Variants in SIN3B observed in about 807,000 individuals in gnomAD.
The protein encoded by SIN3B is SIN3 transcription regulator family member B, also known as paired amphipathic helix protein Sin3b.
Under a neutral mutation model 120.2 loss-of-function variants are expected in SIN3B, and 19 were observed. The observed-to-expected ratio is 0.16, with a 90% CI of 0.11 to 0.23. SIN3B has a LOEUF of 0.23. SIN3B is among the 10% of genes least tolerant of loss of function. The pLI is 1.00. For missense variants in SIN3B, 1,073 were observed against 1,573.0 expected, an observed-to-expected ratio of 0.68 and a Z score of 5.38; for synonymous variants, 654 against 653.2, an observed-to-expected ratio of 1.00 and a Z score of -0.02.
chr19:16,838,970 C>CT (rs34648986), intron 3 of SIN3B, among the ~76,000 whole-genome samples: 49,747 of 86,518 alleles, frequency 0.57, 15,349 homozygotes, highest in Non-Finnish European at 0.62. Context: ...CCGCGCCTGG[C>CT]TTTTTTTTTT....
At chr19:16,858,946 C>T (rs1283959439) in intron 8 of SIN3B, among the ~76,000 whole-genome samples, 2 of 151,380 alleles carry the variant, frequency 1.3e-5, no homozygotes, top group African/African-American at 4.8e-5. Context: ...CAAGCTGTCT[C>T]AAAAAAACGA....
chr19:16,854,964 CGTCATTCT>C (rs1377157608), intron 8 of SIN3B: 2 of 152,190 alleles, frequency 1.3e-5, no homozygotes, highest in African/African-American at 4.8e-5. Flanking sequence ...GCCGTAGGAA[CGTCATTCT>C]TGTTTATGTG....
intron 13 of SIN3B, among the ~76,000 whole-genome samples, chr19:16,870,697 C>T (rs978321209): frequency 6.9e-6 from 1 of 145,518 alleles, no homozygotes; most frequent in Non-Finnish European, 1.5e-5. Flanking sequence ...ATTACAGGCA[C>T]CCACCACCAT....
intron 4 of SIN3B, among the ~76,000 whole-genome samples, chr19:16,846,643 A>G (rs757587637): frequency 4.3e-4 from 66 of 151,778 alleles, no homozygotes; most frequent in Non-Finnish European, 7.1e-4. Flanking sequence ...TACACTCCCC[A>G]TTTCCCTTGG....
chr19:16,844,266 T>G (rs1197303135), intron 4 of SIN3B: 1 of 152,284 alleles, frequency 6.6e-6, no homozygotes, highest in Non-Finnish European at 1.5e-5. Flanking sequence ...GGTTCAGATA[T>G]TTCAGGGATA....
At chr19:16,874,812 CTGGTCTGGTTT>C (rs1282761363) in intron 14 of SIN3B, among the ~76,000 whole-genome samples, 1 of 144,422 alleles carries the variant, frequency 6.9e-6, no homozygotes, top group African/African-American at 2.6e-5. Flanking sequence ...CTGATCTGAT[CTGGTCTGGTTT>C]TGGTCTGGTC....
intron 8 of SIN3B, among the ~76,000 whole-genome samples, chr19:16,860,845 G>T (rs143139061): frequency 6.6e-6 from 1 of 151,910 alleles, no homozygotes; most frequent in Non-Finnish European, 1.5e-5. Flanking sequence ...CGCCCGCCTC[G>T]GCCTCCCAAA....
chr19:16,854,269 G>A lies in SIN3B; in HGVS notation c.1058+8G>A. 6.3e-7 allele frequency: 1 copy of A among 1,595,544 alleles called. No individual in the cohort carries two copies. The highest frequency in any genetic ancestry group is 8.6e-7 in the Non-Finnish European group (1 of 1,167,124). ...CGTCAGCCCATTTCTGGGGTGAGCA[G>A]CTGACTTCCCAGGGCTCCCTAGGGG... is the stretch of plus-strand genomic sequence containing the variant. On this transcript the variant is annotated splice_region_variant and intron_variant, in intron 8 of 18. Coordinates refer to ENST00000248054, the MANE Select transcript of SIN3B (RefSeq NM_001297595.2).
Position 16,876,317 on chromosome 19 carries a change from C to A in SIN3B, c.2766+89C>A. Reference sequence around the variant, plus strand: ...CAGTCCTGGGTGGACCCTGGTTCAGCGGCTGGGACACCGGCCCTGCTGCAG... The same window carrying A: ...CAGTCCTGGGTGGACCCTGGTTCAGAGGCTGGGACACCGGCCCTGCTGCAG... On this transcript the variant is annotated intron_variant, in intron 15 of 18. Coordinates refer to ENST00000248054, the MANE Select transcript of SIN3B (RefSeq NM_001297595.2). This position sits in a 1 kb window ranked among gnomAD's most constrained non-coding sequence, Gnocchi z 7.1. The A allele has an allele frequency of 6.8e-7, 1 of 1,472,382 alleles. No individual in the cohort carries two copies. The highest frequency in any genetic ancestry group is 9.2e-7 in the Non-Finnish European group (1 of 1,086,718). The allele number at this position is 1,472,382 out of a possible 1,614,324, so 91.2% of individuals were successfully genotyped here.
At chr19:16,853,629 A>T (rs1971573150) in intron 7 of SIN3B, among the ~76,000 whole-genome samples, 1 of 149,864 alleles carries the variant, frequency 6.7e-6, no homozygotes, top group South Asian at 2.1e-4. Flanking sequence ...ATTGCTGCAC[A>T]GATGGCATGC....
chr19:16,877,906 C>T (rs112406726), intron 17 of SIN3B, among the ~76,000 whole-genome samples: 183 of 152,282 alleles, frequency 1.2e-3, no homozygotes, highest in Middle Eastern at 6.8e-3. Context: ...TGGAGGGAGA[C>T]GCTGCCAGAG....
intron 14 of SIN3B, chr19:16,875,839 G>A: frequency 1.7e-6 from 1 of 597,720 alleles, no homozygotes; most frequent in Non-Finnish European, 2.9e-6. Context: ...GGTTTGGTCT[G>A]GTCTGGTCTG....
At chr19:16,851,573 G>C (rs775240971) in intron 6 of SIN3B, 39 bp downstream of exon 6, 1 of 1,535,892 alleles carries the variant, frequency 6.5e-7, no homozygotes, top group Admixed American at 2.0e-5. Flanking sequence ...TGCACGCGGG[G>C]CCCCCAGCAA....
chr19:16,857,911 C>T lies in SIN3B; in HGVS notation c.1058+3650C>T, dbSNP rs190938214. On this transcript the variant is annotated intron_variant, in intron 8 of 18. Transcript: ENST00000248054. ...TCTTTTTTTGAGACGGAGTCTAACT[C>T]TGTCACCCAGGCTGGAGTGCAATGG... 2.6e-5 allele frequency among the ~76,000 whole-genome samples: 4 copies of T among 152,206 alleles called. No homozygotes were observed. The East Asian group carries it at 5.8e-4, about 22-fold the overall frequency.
At chr19:16,840,435 C>T (rs1020935991) in intron 3 of SIN3B, among the ~76,000 whole-genome samples, 4 of 152,196 alleles carry the variant, frequency 2.6e-5, no homozygotes, top group African/African-American at 9.7e-5. Flanking sequence ...TTGACCTTGG[C>T]CTCCTGGCCT....
Position 16,879,739 on chromosome 19 carries a change from G to T in SIN3B, c.*1012G>T, listed in dbSNP as rs1271031811. On this transcript the variant is annotated 3_prime_UTR_variant, in exon 19 of 19. Coordinates refer to ENST00000248054, the MANE Select transcript of SIN3B (RefSeq NM_001297595.2). ...GGGATCATTGTTGTCCTTTTGTGAG[G>T]GGCTGAGGCGACTGTCCCATGGAGG... 6.6e-6 allele frequency: 1 copy of T among 152,150 alleles called. No homozygotes were observed. Among genetic ancestry groups the T allele is most frequent in the Non-Finnish European group, 1.5e-5 (1 of 68,092 alleles). The allele number at this position is 152,150 out of a possible 1,614,324, so 9.4% of individuals were successfully genotyped here. A position where few individuals can be genotyped will look rare whatever the true frequency, so the allele number is the denominator to read the frequency against.
intron 3 of SIN3B, among the ~76,000 whole-genome samples, chr19:16,831,895 T>C (rs1052945923): frequency 6.6e-6 from 1 of 152,170 alleles, no homozygotes; most frequent in Non-Finnish European, 1.5e-5. Context: ...GGAGGTATCC[T>C]CCTAACGCAG....
At chr19:16,872,837 T>C (rs1436091618) in intron 14 of SIN3B, among the ~76,000 whole-genome samples, 1 of 152,202 alleles carries the variant, frequency 6.6e-6, no homozygotes, top group Non-Finnish European at 1.5e-5. Context: ...GGGAGCGTCA[T>C]TCTGTGAGAT....
At position 16,846,967 on chromosome 19, in the gene SIN3B, CAGA is replaced by C. The variant is rs1475134707; in HGVS notation, c.583_585del (p.Lys195del). The C allele has an allele frequency of 1.2e-6, 2 of 1,613,248 alleles. No individual in the cohort carries two copies. Among genetic ancestry groups the C allele is most frequent in the Non-Finnish European group, 8.5e-7 (1 of 1,179,304 alleles). On this transcript the variant is annotated splice_acceptor_variant and coding_sequence_variant, in exon 5 of 19. Coordinates refer to ENST00000248054, the MANE Select transcript of SIN3B (RefSeq NM_001297595.2). LOFTEE classifies it high-confidence loss of function. ...TTATTTTCCCTTTCCTGAAAACTGG[CAGA>C]AGGAGCAGCTGAACACGAGGGGCCG...
Sources: allele counts gnomAD v4.1 joint callset (sites outside exome capture counted in the v4.1 genomes callset), GRCh38; gene constraint gnomAD v4.1.1; non-coding constraint Gnocchi (gnomAD v3.1); transcripts MANE v1.5; gene names NCBI Gene and HGNC (gene_info 2026-07-23, HGNC 2026-07-21).